Variants in RIPOR3 observed in about 807,000 individuals in gnomAD.
RIPOR3 encodes family with sequence similarity 65 member C.
In RIPOR3, 95 loss-of-function variants were observed where a neutral mutation model predicts 114.3. That is an observed-to-expected ratio of 0.83 (90% CI 0.70 to 0.99). RIPOR3 has a LOEUF of 0.99. RIPOR3 is among the 50% of genes least tolerant of loss of function. RIPOR3 has a pLI of 0.00. For missense variants in RIPOR3, 1,252 were observed against 1,266.9 expected (o/e 0.99, Z 0.18); for synonymous variants, 575 against 543.8 (o/e 1.06, Z -0.80).
intron 11 of RIPOR3, 62 bp from the exon 12 acceptor site, chr20:50,604,836 C>A: frequency 6.3e-7 from 1 of 1,584,180 alleles, no homozygotes; most frequent in Non-Finnish European, 8.6e-7. Flanking sequence ...CAGGCCCAGA[C>A]GGCCCACAGG....
intron 13 of RIPOR3, among the ~76,000 whole-genome samples, chr20:50,600,306 G>A (rs981539222): frequency 9.2e-5 from 14 of 152,020 alleles, no homozygotes; most frequent in Admixed American, 5.2e-4. Context: ...TTCTGACTTC[G>A]TTTGCCAAAA....
rs138353663 is a variant in RIPOR3 at position 50,597,687 on chromosome 20, G to C, written c.1683C>G (p.His561Gln). 4 of 1,611,914 alleles carry C rather than the reference G, an allele frequency of 2.5e-6. No individual in the cohort carries two copies. In the East Asian group the frequency reaches 8.9e-5, roughly 36 times the overall value. Reference sequence around the variant, plus strand: ...ACTCCATCAGGCTCTCGGCCGAGGTGTGCTCCTGCCGTGCTCTGCAGGGCT... The same window carrying C: ...ACTCCATCAGGCTCTCGGCCGAGGTCTGCTCCTGCCGTGCTCTGCAGGGCT... ...RLKPCRARQE[H>Q]TSAESLMECI... is the part of the protein sequence containing the mutation. The change falls in exon 14 of 22, where the codon CAC becomes CAG. Residue 561 changes from histidine to glutamine, a missense_variant. By Grantham distance (24) the His-to-Gln change is conservative. Transcript: ENST00000327979.
rs1331789312 is a variant in RIPOR3 at position 50,640,908 on chromosome 20, C to CT, written c.4-10053dup. On this transcript the variant is annotated intron_variant, in intron 1 of 21. Coordinates refer to ENST00000327979, the MANE Select transcript of RIPOR3 (RefSeq NM_001290268.2). Reference sequence around the variant, plus strand: ...TTATAGCAAGTTGTAATATGCACTTCTTTTTTTTTTTTTTTTTTGAGACGG... The same window carrying CT: ...TTATAGCAAGTTGTAATATGCACTTCTTTTTTTTTTTTTTTTTTTGAGACGG... Among the ~76,000 whole-genome samples the CT allele has an allele frequency of 9.5e-3, 1,272 of 134,470 alleles. 8 individuals are homozygous for CT. Among genetic ancestry groups the CT allele is most frequent in the East Asian group, 0.024 (115 of 4,734 alleles). The allele number at this position is 134,470 out of a possible 152,430, so 88.2% of individuals were successfully genotyped here. A position where few individuals can be genotyped will look rare whatever the true frequency, so the allele number is the denominator to read the frequency against.
chr20:50,646,111 A>G (rs1192967076), intron 1 of RIPOR3, among the ~76,000 whole-genome samples: 1 of 152,068 alleles, frequency 6.6e-6, no homozygotes, highest in Non-Finnish European at 1.5e-5. Context: ...AGGACTGAGC[A>G]ACTTCATGTA....
In RIPOR3 at chr20:50,604,628, C is replaced by A. The variant is rs767244042; in HGVS notation, c.1086+17G>T. 6.3e-7 allele frequency: 1 copy of A among 1,599,924 alleles called. No individual in the cohort carries two copies. ...CAGGGTGACCACAGCGGCCCTGCCCCGGGAAGGCTCACTCACCAGGTAGTA... is the reference window on the plus strand; with the variant it reads ...CAGGGTGACCACAGCGGCCCTGCCCAGGGAAGGCTCACTCACCAGGTAGTA... On this transcript the variant is annotated intron_variant, in intron 12 of 21. Transcript: ENST00000327979.
intron 13 of RIPOR3, among the ~76,000 whole-genome samples, chr20:50,600,179 A>G (rs1300096694): frequency 6.6e-6 from 1 of 151,942 alleles, no homozygotes; most frequent in African/African-American, 2.4e-5. Flanking sequence ...CTGGGATTAC[A>G]GATGTGAGCC....
chr20:50,614,973 C>G (rs1271277750), intron 4 of RIPOR3, among the ~76,000 whole-genome samples: 1 of 151,992 alleles, frequency 6.6e-6, no homozygotes, highest in East Asian at 1.9e-4. Flanking sequence ...AGGACAATCG[C>G]TTGAATCTGG....
At chr20:50,648,842 A>G (rs926242565) in intron 1 of RIPOR3, among the ~76,000 whole-genome samples, 1 of 152,138 alleles carries the variant, frequency 6.6e-6, no homozygotes, top group Non-Finnish European at 1.5e-5. Flanking sequence ...AACACAAGCA[A>G]TGGGGAGTGG....
At chr20:50,686,043 A>G (rs2123637847) in intron 1 of RIPOR3, among the ~76,000 whole-genome samples, 1 of 152,236 alleles carries the variant, frequency 6.6e-6, no homozygotes. Flanking sequence ...GCCTGAAAGC[A>G]TAGACGCCTG....
chr20:50,663,925 CTTTTT>C (rs11477745), intron 1 of RIPOR3, among the ~76,000 whole-genome samples: 6 of 123,948 alleles, frequency 4.8e-5, no homozygotes, highest in South Asian at 2.7e-4. Context: ...CTCTCTCTCT[CTTTTT>C]TTTTTTTTTT....
intron 2 of RIPOR3, among the ~76,000 whole-genome samples, chr20:50,627,621 TGCAGTGA>T (rs1441160856): frequency 6.6e-6 from 1 of 151,654 alleles, no homozygotes; most frequent in Non-Finnish European, 1.5e-5. Context: ...AGGCGGAGGT[TGCAGTGA>T]GCCAAGATCG....
rs757736592 is a variant in RIPOR3 at position 50,593,209 on chromosome 20, G to A, written c.2213-13C>T. The A allele has an allele frequency of 2.4e-5, 39 of 1,609,312 alleles. No homozygotes were observed. In the Middle Eastern group the frequency reaches 7.4e-4, roughly 30 times the overall value. ...AGCCTGCGGCACGCTGGCCAAAGGG[G>A]AGAGTACATCAGGAGAAACTGAGAC... On this transcript the variant is annotated splice_polypyrimidine_tract_variant and intron_variant, in intron 17 of 21. Transcript: ENST00000327979.
At chr20:50,667,151 T>C (rs1306772050) in intron 1 of RIPOR3, among the ~76,000 whole-genome samples, 1 of 152,052 alleles carries the variant, frequency 6.6e-6, no homozygotes, top group Non-Finnish European at 1.5e-5. Flanking sequence ...ACATTAACCA[T>C]CAGCCGGCAA....
rs186308971 is a variant in RIPOR3, at chr20:50,602,212, C to T, written c.1519G>A (p.Gly507Arg). 311 of 1,613,744 alleles carry T rather than the reference C, an allele frequency of 1.9e-4. No homozygotes were observed. Among genetic ancestry groups the T allele is most frequent in the Non-Finnish European group, 2.2e-4 (259 of 1,179,958 alleles). ...ACGCCAGGCCCGTCCTCTCTGTCCC[C>T]GGTTGCCCCTTCCTCGTGGCCGTTC... Reference protein sequence around the residue: ...SQNGHEEGATGDREDGPGVAL... With the variant: ...SQNGHEEGATRDREDGPGVAL... The change falls in exon 13 of 22, where the codon GGG (glycine) becomes AGG (arginine). Residue 507 changes from glycine to arginine, a missense_variant. Transcript: ENST00000327979. This position sits in a 1 kb window ranked among gnomAD's most constrained non-coding sequence, Gnocchi z 4.3.
chr20:50,614,184 C>T (rs567119906), intron 4 of RIPOR3, among the ~76,000 whole-genome samples: 45 of 152,230 alleles, frequency 3.0e-4, no homozygotes, highest in African/African-American at 9.6e-4. Context: ...TACAGGCACC[C>T]GCCACCACGC....
At position 50,640,987 on chromosome 20, in the gene RIPOR3, G is replaced by T. The variant is rs542722971; in HGVS notation, c.4-10131C>A. Among the ~76,000 whole-genome samples the T allele has an allele frequency of 2.0e-5, 3 of 146,584 alleles. No homozygotes were observed. The East Asian group carries it at 6.1e-4, about 30-fold the overall frequency. On this transcript the variant is annotated intron_variant, in intron 1 of 21. Coordinates refer to ENST00000327979, the MANE Select transcript of RIPOR3 (RefSeq NM_001290268.2). ...TGCAATGGCGCAATCTCGGCTCACC[G>T]CAACATCTGCCTCCTGGGTTCAAGC...
At chr20:50,626,272 A>AGAGGCC (rs2084616286) in intron 2 of RIPOR3, among the ~76,000 whole-genome samples, 1 of 152,230 alleles carries the variant, frequency 6.6e-6, no homozygotes, top group Non-Finnish European at 1.5e-5. Flanking sequence ...AGGGGGCGGC[A>AGAGGCC]GAGGCCAAGG....
At chr20:50,624,299 G>A (rs1259800403) in intron 2 of RIPOR3, among the ~76,000 whole-genome samples, 5 of 152,282 alleles carry the variant, frequency 3.3e-5, no homozygotes, top group East Asian at 1.9e-4. Flanking sequence ...CTGCAGACTC[G>A]GGAAAAGGCA....
chr20:50,632,691 T>C (rs544642343), intron 1 of RIPOR3, among the ~76,000 whole-genome samples: 1 of 152,374 alleles, frequency 6.6e-6, no homozygotes, highest in East Asian at 1.9e-4. Context: ...AAATGCTTTA[T>C]GTAAATTATG....
Sources: allele counts gnomAD v4.1 joint callset (sites outside exome capture counted in the v4.1 genomes callset), GRCh38; gene constraint gnomAD v4.1.1; non-coding constraint Gnocchi (gnomAD v3.1); transcripts MANE v1.5; gene names NCBI Gene and HGNC (gene_info 2026-07-23, HGNC 2026-07-21).